Variants in CREB5 observed in about 807,000 individuals in gnomAD.
The protein encoded by CREB5 is cAMP responsive element binding protein 5, also known as cyclic AMP-responsive element-binding protein 5.
Under a neutral mutation model 57.1 loss-of-function variants are expected in CREB5, and 19 were observed. The ratio of observed to expected loss-of-function variants is 0.33; its 90% confidence interval spans 0.23 to 0.49. The LOEUF is 0.49. Among genes scored for constraint, CREB5 ranks in the 20% least tolerant of loss-of-function variants. The pLI is 0.99. For synonymous variants in CREB5, 238 were observed against 238.3 expected, an observed-to-expected ratio of 1.00 and a Z score of 0.01; for missense variants, 579 against 671.6, an observed-to-expected ratio of 0.86 and a Z score of 1.52.
intron 1 of CREB5, among the ~76,000 whole-genome samples, chr7:28,484,871 C>T (rs1791490559): frequency 6.6e-6 from 1 of 152,188 alleles, no homozygotes; most frequent in South Asian, 2.1e-4. Flanking sequence ...ATATCATCCA[C>T]ATCATGAAGA....
chr7:28,563,455 T>C (rs920257515), intron 4 of CREB5, among the ~76,000 whole-genome samples: 1 of 152,356 alleles, frequency 6.6e-6, no homozygotes, highest in African/African-American at 2.4e-5. Flanking sequence ...CTAGTGCTTA[T>C]GTTTTTCTTT....
chr7:28,715,606 G>A (rs1802643747), intron 5 of CREB5, among the ~76,000 whole-genome samples: 2 of 152,170 alleles, frequency 1.3e-5, no homozygotes, highest in Admixed American at 6.5e-5. Flanking sequence ...ACATGCGTCA[G>A]TCTAGTCCTT....
intron 5 of CREB5, among the ~76,000 whole-genome samples, chr7:28,628,755 C>T (rs768893236): frequency 2.6e-5 from 4 of 152,176 alleles, no homozygotes; most frequent in Non-Finnish European, 4.4e-5. Flanking sequence ...TAGGAAAATC[C>T]TTATAGACAT....
chr7:28,376,393 T>C (rs2191830), intron 1 of CREB5, among the ~76,000 whole-genome samples: 150,214 of 151,858 alleles, frequency 0.99, 74,317 homozygotes, highest in East Asian at 1. Context: ...CTCAGCCTCC[T>C]GAGTAGCTGG....
intron 4 of CREB5, among the ~76,000 whole-genome samples, chr7:28,535,035 T>A (rs1793897145): frequency 7.1e-6 from 1 of 141,788 alleles, no homozygotes; most frequent in Admixed American, 7.0e-5. Context: ...GGACTGCAGC[T>A]CGCATCTCTG....
intron 5 of CREB5, among the ~76,000 whole-genome samples, chr7:28,621,324 G>C (rs931180178): frequency 6.6e-6 from 1 of 152,136 alleles, no homozygotes; most frequent in Non-Finnish European, 1.5e-5. Flanking sequence ...GGTTATGATA[G>C]TTATGAACAA....
At chr7:28,555,687 A>C (rs1794837991) in intron 4 of CREB5, among the ~76,000 whole-genome samples, 1 of 152,198 alleles carries the variant, frequency 6.6e-6, no homozygotes, top group African/African-American at 2.4e-5. Flanking sequence ...CAGGCAAACA[A>C]ACACATAACT....
chr7:28,676,797 C>T (rs1010952635), intron 5 of CREB5, among the ~76,000 whole-genome samples: 3 of 152,148 alleles, frequency 2.0e-5, no homozygotes, highest in African/African-American at 7.2e-5. Flanking sequence ...CCCATCCCAG[C>T]GTACCCTCCT....
intron 1 of CREB5, among the ~76,000 whole-genome samples, chr7:28,337,091 T>A (rs1449601804): frequency 6.6e-6 from 1 of 152,134 alleles, no homozygotes; most frequent in African/African-American, 2.4e-5. Context: ...TGAACTTTTT[T>A]AAGACTTGTT....
At chr7:28,426,691 T>C (rs1183828839) in intron 1 of CREB5, among the ~76,000 whole-genome samples, 1 of 152,216 alleles carries the variant, frequency 6.6e-6, no homozygotes, top group African/African-American at 2.4e-5. Flanking sequence ...GAATGCAAAA[T>C]TAATTAATTC....
chr7:28,788,875 T>C (rs1473372287), intron 7 of CREB5, among the ~76,000 whole-genome samples: 2 of 150,936 alleles, frequency 1.3e-5, no homozygotes, highest in Admixed American at 6.6e-5. Context: ...CGAGCCTCAG[T>C]ACATCACAGC....
rs148026075 is a variant in CREB5, at chr7:28,480,788, C to T, written c.4-7387C>T. ...GACAAGGACCTAAATGCGGTTCATA[C>T]GCATTCAGCGACTTACTCAACATTG... On this transcript the variant is annotated intron_variant, in intron 1 of 10. Transcript: ENST00000357727. Among the ~76,000 whole-genome samples, 300 of 152,324 alleles carry T rather than the reference C, an allele frequency of 2.0e-3. 2 individuals carry two copies. The highest frequency in any genetic ancestry group is 0.014 in the East Asian group (73 of 5,178).
intron 4 of CREB5, among the ~76,000 whole-genome samples, chr7:28,515,864 T>A (rs1441723107): frequency 1.7e-5 from 1 of 57,560 alleles, no homozygotes; most frequent in East Asian, 4.1e-4. Flanking sequence ...TAAAATTGAA[T>A]GCATTTAAAA....
At chr7:28,814,555 A>C (rs1809309862) in intron 9 of CREB5, among the ~76,000 whole-genome samples, 1 of 152,228 alleles carries the variant, frequency 6.6e-6, no homozygotes, top group Non-Finnish European at 1.5e-5. Flanking sequence ...ATTTGAGCAT[A>C]TTGAAAGTAG....
intron 4 of CREB5, among the ~76,000 whole-genome samples, chr7:28,530,278 G>A (rs1388724138): frequency 1.3e-5 from 2 of 152,116 alleles, no homozygotes; most frequent in Non-Finnish European, 2.9e-5. Context: ...AGCCATGCTT[G>A]ACCTGGAAGG....
chr7:28,327,880 A>T (rs1785637251), intron 1 of CREB5, among the ~76,000 whole-genome samples: 1 of 152,188 alleles, frequency 6.6e-6, no homozygotes, highest in African/African-American at 2.4e-5. Flanking sequence ...TTTGGGGATA[A>T]ATGAGTTACT....
rs1280116550 is a variant in CREB5 at position 28,561,011 on chromosome 7, T to TGCGTGCGTGC, written c.292-9353_292-9352insCGTGCGTGCG. Among the ~76,000 whole-genome samples the TGCGTGCGTGC allele has an allele frequency of 2.7e-4, 13 of 48,056 alleles. No individual in the cohort carries two copies. The East Asian group carries it at 5.8e-3, about 22-fold the overall frequency. 31.5% of individuals were successfully genotyped at this position (48,056 alleles called of 152,430 possible). ...GTGTGTGTGCCTGCGTGTGCGTGTG[T>TGCGTGCGTGC]GTGTGCGTGTGTGCGTGTGTGTGTG... On this transcript the variant is annotated intron_variant, in intron 4 of 10. Transcript: ENST00000357727.
intron 4 of CREB5, among the ~76,000 whole-genome samples, chr7:28,524,316 A>AAC (rs4000595): frequency 0.3 from 40,570 of 136,256 alleles, 6,676 homozygotes; most frequent in Non-Finnish European, 0.38. Context: ...GCCTCTACTA[A>AAC]ACACACACAC....
chr7:28,543,900 A>G (rs1794312730), intron 4 of CREB5, among the ~76,000 whole-genome samples: 1 of 150,378 alleles, frequency 6.6e-6, no homozygotes, highest in South Asian at 2.1e-4. Flanking sequence ...ATATTAACCC[A>G]TCTGAGCTCA....
Sources: allele counts gnomAD v4.1 joint callset (sites outside exome capture counted in the v4.1 genomes callset), GRCh38; gene constraint gnomAD v4.1.1; transcripts MANE v1.5; gene names NCBI Gene and HGNC (gene_info 2026-07-23, HGNC 2026-07-21).